The following HEG1 variants were observed in gnomAD, a reference collection of about 807,000 sequenced individuals.
HEG1 encodes heart development protein with EGF like domains 1, also known as protein HEG homolog 1.
Under a neutral mutation model 125.6 loss-of-function variants are expected in HEG1, and 56 were observed. That is an observed-to-expected ratio of 0.45 (90% CI 0.36 to 0.56). The LOEUF is 0.56. HEG1 is among the 20% of genes least tolerant of loss of function. The pLI, the probability that HEG1 is intolerant of heterozygous loss-of-function variation, is 0.00. For synonymous variants in HEG1, 644 were observed against 668.5 expected, an observed-to-expected ratio of 0.96 and a Z score of 0.57; for missense variants, 1,523 against 1,670.0, an observed-to-expected ratio of 0.91 and a Z score of 1.53.
intron 1 of HEG1, 94 bp downstream of exon 1, chr3:125,055,481 G>T (rs1937912870): frequency 2.3e-6 from 2 of 876,082 alleles, no homozygotes; most frequent in Non-Finnish European, 2.9e-6. Flanking sequence ...GGGTCGCGCC[G>T]CGCGGAGGGG....
rs1013330746 is a variant in HEG1, at chr3:125,013,074, T to C, written c.2505A>G (p.Leu835=). 1 of 1,613,922 alleles carries C rather than the reference T, an allele frequency of 6.2e-7. No individual in the cohort carries two copies. Among genetic ancestry groups the C allele is most frequent in the South Asian group, 1.1e-5 (1 of 91,088 alleles). ...TTGTGAAAGTTGGAGACATTTGTGC[T>C]AAGTTGGTGCTTGTGGCTGGAAGGG... The part of the protein sequence containing the change: ...EQTLPATSTN[L]AQMSPTFTTT... Residue 835 remains leucine, a synonymous_variant, in exon 6 of 17, where the codon TTA becomes TTG. Transcript: ENST00000311127.
intron 1 of HEG1, among the ~76,000 whole-genome samples, chr3:125,047,330 C>T (rs997125747): frequency 2.0e-5 from 3 of 152,240 alleles, no homozygotes; most frequent in Admixed American, 6.5e-5. Flanking sequence ...GCTCTCTTGC[C>T]CAGGCATCAA....
Position 125,051,279 on chromosome 3 carries a change from C to G in HEG1, c.316+4296G>C, listed in dbSNP as rs556346935. On this transcript the variant is annotated intron_variant, in intron 1 of 16. Transcript: ENST00000311127. The stretch of plus-strand genomic sequence containing the variant: ...CCACTGCCATCTCCTCATATTTTCC[C>G]CACGCCAATGCTGGCCCCTAATCTC... Among the ~76,000 whole-genome samples, 3 of 152,232 alleles carry G rather than the reference C, an allele frequency of 2.0e-5. No homozygotes were observed. The South Asian group carries it at 6.2e-4, about 32-fold the overall frequency.
intron 12 of HEG1, among the ~76,000 whole-genome samples, chr3:124,992,860 G>A (rs1936855720): frequency 6.6e-6 from 1 of 152,244 alleles, no homozygotes; most frequent in South Asian, 2.1e-4. Flanking sequence ...CACCTGGACA[G>A]CACTGTTTTG....
chr3:125,027,205 A>C lies in HEG1; in HGVS notation c.913T>G (p.Ser305Ala). Residue 305 changes from serine to alanine, a missense_variant and splice_region_variant, in exon 3 of 17, where the codon TCT (serine) becomes GCT (alanine). Ser to Ala is a moderately conservative substitution (Grantham distance 99, BLOSUM62 1). Coordinates refer to ENST00000311127, the MANE Select transcript of HEG1 (RefSeq NM_020733.2). Reference protein sequence around the residue: ...ASSPLLDLSSSSESTEKLNNS... With the variant: ...ASSPLLDLSSASESTEKLNNS... ...GTTAAGCTGGGTATGTGGCACTCAC[A>C]TGAGGAAAGGTCTAAGAGAGGAGAG... 1 of 1,588,684 alleles carries C rather than the reference A, an allele frequency of 6.3e-7. No homozygotes were observed. The highest frequency in any genetic ancestry group is 1.2e-5 in the South Asian group (1 of 86,388).
chr3:125,029,460 A>G lies in HEG1; in HGVS notation c.345T>C (p.Ser115=), dbSNP rs982480583. 2 of 1,597,846 alleles carry G rather than the reference A, an allele frequency of 1.3e-6. No homozygotes were observed. Among genetic ancestry groups the G allele is most frequent in the African/African-American group, 1.3e-5 (1 of 74,998 alleles). ...ADAAWKHWPE[S]NTEAHVENIT... ...TGTTTTCTACATGGGCCTCAGTGTT[A>G]CTTTCTGGCCAATGTTTCCAGGCAG... is the stretch of plus-strand genomic sequence containing the variant. The change falls in exon 2 of 17, where the codon AGT becomes AGC. Residue 115 remains serine, a synonymous_variant. Transcript: ENST00000311127.
Position 125,012,085 on chromosome 3 carries a change from G to A in HEG1, c.2956+538C>T, listed in dbSNP as rs531222763. On this transcript the variant is annotated intron_variant, in intron 6 of 16. Coordinates refer to ENST00000311127, the MANE Select transcript of HEG1 (RefSeq NM_020733.2). ...TCAACTAGCCACACACTCTTTCGGA[G>A]ACAAAGGAGCTTGGGCTTCCCTGGA... Among the ~76,000 whole-genome samples the A allele has an allele frequency of 3.9e-5, 6 of 152,292 alleles. No homozygotes were observed. In the South Asian group the frequency reaches 1.2e-3, roughly 32 times the overall value.
chr3:124,977,784 G>T, intron 15 of HEG1, 75 bp downstream of exon 15: 1 of 933,222 alleles, frequency 1.1e-6, no homozygotes, highest in Non-Finnish European at 1.7e-6. Context: ...CAAGTATCCT[G>T]TAAAAGAATA....
At chr3:125,010,350 T>C (rs909187347) in intron 7 of HEG1, 89 bp downstream of exon 7, 5 of 738,868 alleles carry the variant, frequency 6.8e-6, no homozygotes, top group Non-Finnish European at 1.1e-5. Flanking sequence ...AACAGTGTAT[T>C]TGTCCACATT....
At chr3:125,017,650 G>C (rs1306352607) in intron 5 of HEG1, among the ~76,000 whole-genome samples, 1 of 152,134 alleles carries the variant, frequency 6.6e-6, no homozygotes, top group Non-Finnish European at 1.5e-5. Flanking sequence ...CAGCCACTTT[G>C]GAAAAGAGTT....
chr3:125,021,143 A>C lies in HEG1; in HGVS notation c.914-13T>G, dbSNP rs763923520. On this transcript the variant is annotated splice_polypyrimidine_tract_variant and intron_variant, in intron 3 of 16. Coordinates refer to ENST00000311127, the MANE Select transcript of HEG1 (RefSeq NM_020733.2). Reference sequence around the variant, plus strand: ...GTACTTTCAGAAGCTACAATGGAAAAAGATATGCTTCAAAATTACTCAGGA... The same window carrying C: ...GTACTTTCAGAAGCTACAATGGAAACAGATATGCTTCAAAATTACTCAGGA... 1 of 1,526,996 alleles carries C rather than the reference A, an allele frequency of 6.5e-7. No individual in the cohort carries two copies. The highest frequency in any genetic ancestry group is 8.9e-7 in the Non-Finnish European group (1 of 1,129,730). The allele number at this position is 1,526,996 out of a possible 1,614,324, so 94.6% of individuals were successfully genotyped here.
Position 125,027,370 on chromosome 3 carries a change from T to C in HEG1, c.748A>G (p.Ser250Gly). 5.0e-6 allele frequency: 8 copies of C among 1,614,028 alleles called. No homozygotes were observed. The highest frequency in any genetic ancestry group is 6.8e-6 in the Non-Finnish European group (8 of 1,179,894). ...MGLSEEWTVH[S>G]QEATTSAWSP... ...CAAGCCGAAGTGGTGGCCTCTTGGC[T>C]GTGCACAGTCCATTCTTCTGACAGC... The change falls in exon 3 of 17, where the codon AGC becomes GGC. Residue 250 changes from serine (S) to glycine (G), a missense_variant. Physicochemically the swap from Ser to Gly is moderately conservative, Grantham distance 56. Coordinates refer to ENST00000311127, the MANE Select transcript of HEG1 (RefSeq NM_020733.2).
chr3:125,013,796 G>A lies in HEG1; in HGVS notation c.1783C>T (p.His595Tyr). The A allele has an allele frequency of 1.2e-6, 2 of 1,613,788 alleles. No individual in the cohort carries two copies. The highest frequency in any genetic ancestry group is 8.5e-7 in the Non-Finnish European group (1 of 1,179,698). ...TGAAAAAAGGAGGAATACTCTGAAT[G>A]TGAAGAGTTTGAGATTTTAATATAA... ...TSYIKISNSSHSEYSSFFHAQ... is the reference protein window; with the variant it reads ...TSYIKISNSSYSEYSSFFHAQ... Residue 595 changes from histidine to tyrosine, a missense_variant, in exon 6 of 17, where the codon CAT (histidine) becomes TAT (tyrosine). His to Tyr is a moderately conservative substitution (Grantham distance 83). Coordinates refer to ENST00000311127, the MANE Select transcript of HEG1 (RefSeq NM_020733.2).
chr3:125,027,297 G>A lies in HEG1; in HGVS notation c.821C>T (p.Pro274Leu). The change falls in exon 3 of 17, where the codon CCT becomes CTT. Residue 274 changes from proline (P) to leucine (L), a missense_variant. By Grantham distance (98) the Pro-to-Leu change is moderately conservative (BLOSUM62 -3). Coordinates refer to ENST00000311127, the MANE Select transcript of HEG1 (RefSeq NM_020733.2). ...TCCTGAGGAATTTCTCTTCCTAGAA[G>A]GCGTGGTCAGCTCTCCCATCTCCAA... ...PALEMGELTT[P>L]SRKRNSSGPD... The A allele has an allele frequency of 6.2e-7, 1 of 1,613,828 alleles. No individual in the cohort carries two copies. Among genetic ancestry groups the A allele is most frequent in the East Asian group, 2.2e-5 (1 of 44,882 alleles).
chr3:125,047,731 CA>C lies in HEG1; in HGVS notation c.316+7843del, dbSNP rs1199042526. Among the ~76,000 whole-genome samples the C allele has an allele frequency of 5.9e-5, 9 of 152,282 alleles. No homozygotes were observed. The East Asian group carries it at 1.5e-3, about 26-fold the overall frequency. On this transcript the variant is annotated intron_variant, in intron 1 of 16. Coordinates refer to ENST00000311127, the MANE Select transcript of HEG1 (RefSeq NM_020733.2). ...AATGGAGTGGTTTTCAATTCTAGCC[CA>C]ACATATGATAATCACTAGTCACAGC... is the stretch of plus-strand genomic sequence containing the variant.
At position 124,990,955 on chromosome 3, in the gene HEG1, T is replaced by G; in HGVS notation, c.3684A>C (p.Glu1228Asp). The G allele has an allele frequency of 1.3e-6, 2 of 1,559,206 alleles. No homozygotes were observed. Among genetic ancestry groups the G allele is most frequent in the South Asian group, 2.4e-5 (2 of 84,698 alleles). ...ACEDGYRLEN[E>D]TCMSCPFGLG... is the part of the protein sequence containing the mutation. ...AACATGGAGCCTACCTCATGCAGGTTTCATTTTCAAGCCTATATCCATCTT... is the reference window on the plus strand; with the variant it reads ...AACATGGAGCCTACCTCATGCAGGTGTCATTTTCAAGCCTATATCCATCTT... The change falls in exon 13 of 17, where the codon GAA (glutamate) becomes GAC (aspartate). Residue 1228 changes from glutamate (E) to aspartate (D), a missense_variant. Glu to Asp is a conservative substitution (Grantham distance 45). Transcript: ENST00000311127.
Position 125,029,224 on chromosome 3 carries a change from GT to G in HEG1, c.580del (p.Thr194GlnfsTer3). The G allele has an allele frequency of 6.2e-7, 1 of 1,613,088 alleles. No homozygotes were observed. Among genetic ancestry groups the G allele is most frequent in the Non-Finnish European group, 8.5e-7 (1 of 1,179,588 alleles). On this transcript the variant is annotated frameshift_variant, in exon 2 of 17. Coordinates refer to ENST00000311127, the MANE Select transcript of HEG1 (RefSeq NM_020733.2). LOFTEE classifies it high-confidence loss of function. The stretch of plus-strand genomic sequence containing the variant: ...GTTGCCACTCTGGGAAGTCAGAGCT[GT>G]TGCTATCTCCAGTGAGTACCCAACA... ...LPVGYSLEIATALTSQSGNLA... is the reference protein window; with the variant it reads ...LPVGYSLEIAXALTSQSGNLA...
intron 1 of HEG1, among the ~76,000 whole-genome samples, chr3:125,031,463 T>C (rs1937497075): frequency 6.6e-6 from 1 of 152,194 alleles, no homozygotes; most frequent in Non-Finnish European, 1.5e-5. Flanking sequence ...GACTCCCTGA[T>C]AAAACCATTT....
In HEG1 at chr3:125,055,609, T is replaced by A. The variant is rs1304334690; in HGVS notation, c.282A>T (p.Gly94=). ...APEPGAATQR[G]PSGRAPRGGS... ...CGCCTCTGGGGGCCCGGCCGGAGGGTCCCCGCTGTGTCGCGGCGCCTGGCT... is the reference window on the plus strand; with the variant it reads ...CGCCTCTGGGGGCCCGGCCGGAGGGACCCCGCTGTGTCGCGGCGCCTGGCT... The change falls in exon 1 of 17, where the codon GGA becomes GGT. Residue 94 remains glycine (G), a synonymous_variant. Coordinates refer to ENST00000311127, the MANE Select transcript of HEG1 (RefSeq NM_020733.2). 13 of 1,204,084 alleles carry A rather than the reference T, an allele frequency of 1.1e-5. No individual in the cohort carries two copies. The highest frequency in any genetic ancestry group is 1.1e-5 in the Non-Finnish European group (11 of 970,160). 74.6% of individuals were successfully genotyped at this position (1,204,084 alleles called of 1,614,324 possible).
Sources: gnomAD v4.1 joint callset for allele counts (sites outside exome capture counted in the v4.1 genomes callset) on GRCh38, gnomAD v4.1.1 for gene constraint, MANE v1.5 for transcripts, NCBI Gene and HGNC (gene_info 2026-07-23, HGNC 2026-07-21) for gene names.